Variants in EP400 observed in about 807,000 individuals in gnomAD.
EP400 encodes E1A binding protein p400.
A neutral mutation model predicts 354.1 loss-of-function variants in EP400; 105 were observed. That is an observed-to-expected ratio of 0.30 (90% CI 0.25 to 0.35). The LOEUF is 0.35. Ranked by LOEUF, EP400 falls within the 10% of genes least tolerant of loss-of-function variation. EP400 has a pLI of 1.00. For missense variants in EP400, 3,280 were observed against 4,121.0 expected (o/e 0.80, Z 5.59); for synonymous variants, 1,646 against 1,716.9 (o/e 0.96, Z 1.02).
Position 132,067,132 on chromosome 12 carries a change from C to T in EP400, c.8749+163C>T. On this transcript the variant is annotated intron_variant, in intron 49 of 52. Transcript: ENST00000389561. This position sits in a 1 kb window ranked among gnomAD's most constrained non-coding sequence, Gnocchi z 5.3. ...AACGTGCCTTGGCGCTTTCCAGGCG[C>T]AAGGCTGGGTCCTCAATTGAACTGT... The T allele has an allele frequency of 8.8e-7, 1 of 1,132,486 alleles. No homozygotes were observed. The highest frequency in any genetic ancestry group is 1.2e-6 in the Non-Finnish European group (1 of 824,140). 70.2% of individuals were successfully genotyped at this position (1,132,486 alleles called of 1,614,324 possible).
intron 15 of EP400, among the ~76,000 whole-genome samples, chr12:132,008,136 T>G (rs1893647007): frequency 6.6e-6 from 1 of 152,092 alleles, no homozygotes; most frequent in African/African-American, 2.4e-5. Context: ...TTAGTAGAGA[T>G]GGGGTTTCTC....
intron 32 of EP400, among the ~76,000 whole-genome samples, chr12:132,040,357 A>T (rs1337492903): frequency 1.3e-5 from 2 of 151,964 alleles, no homozygotes; most frequent in Admixed American, 1.3e-4. Flanking sequence ...CAGCAATCCC[A>T]CTGCTGGGTG....
At chr12:131,973,797 GGTTGT>G (rs752833349) in intron 2 of EP400, among the ~76,000 whole-genome samples, 25 of 152,042 alleles carry the variant, frequency 1.6e-4, no homozygotes, top group Non-Finnish European at 3.5e-4. Flanking sequence ...AAGGTTTTGT[GGTTGT>G]GTTGAGTGCA....
chr12:131,999,453 T>C (rs1045382466), intron 12 of EP400, among the ~76,000 whole-genome samples: 4 of 152,208 alleles, frequency 2.6e-5, no homozygotes, highest in African/African-American at 9.6e-5. Flanking sequence ...GCTTTGTTTG[T>C]TTGTTTTGAC....
At chr12:132,059,441 C>T (rs758760883) in intron 45 of EP400, among the ~76,000 whole-genome samples, 5 of 152,016 alleles carry the variant, frequency 3.3e-5, no homozygotes, top group Non-Finnish European at 5.9e-5. Flanking sequence ...AAGTGTCTCC[C>T]GCACTCCCTC....
At chr12:131,957,522 T>C (rs1001678011) in intron 1 of EP400, among the ~76,000 whole-genome samples, 1 of 150,120 alleles carries the variant, frequency 6.7e-6, no homozygotes, top group Admixed American at 6.7e-5. Context: ...TTTTTCTTTC[T>C]TTCTTTTTTT....
chr12:131,994,776 C>A lies in EP400; in HGVS notation c.2738-91C>A. The A allele has an allele frequency of 9.5e-7, 1 of 1,052,782 alleles. No individual in the cohort carries two copies. The highest frequency in any genetic ancestry group is 1.6e-5 in the African/African-American group (1 of 61,722). 65.2% of individuals were successfully genotyped at this position (1,052,782 alleles called of 1,614,324 possible). On this transcript the variant is annotated intron_variant, in intron 11 of 52. Transcript: ENST00000389561. This position sits in a 1 kb window ranked among gnomAD's most constrained non-coding sequence, Gnocchi z 4.6. ...AGTTTCAATTTCTGTAATAGCTATGCAAAATAATTTCGAAGCCTTATAGTG... is the reference window on the plus strand; with the variant it reads ...AGTTTCAATTTCTGTAATAGCTATGAAAAATAATTTCGAAGCCTTATAGTG...
At chr12:132,003,868 G>A (rs1893497971) in intron 12 of EP400, among the ~76,000 whole-genome samples, 1 of 152,216 alleles carries the variant, frequency 6.6e-6, no homozygotes, top group South Asian at 2.1e-4. Context: ...TGTTTTGCTA[G>A]TCCCAAGTGG....
chr12:132,046,199 C>T (rs191176158), intron 39 of EP400, among the ~76,000 whole-genome samples: 13 of 152,262 alleles, frequency 8.5e-5, no homozygotes, highest in Admixed American at 5.9e-4. Flanking sequence ...TTTGCACTGC[C>T]GTTGTCATTT....
Position 132,013,624 on chromosome 12 carries a change from G to T in EP400, c.3746G>T (p.Ser1249Ile). 1 of 1,613,614 alleles carries T rather than the reference G, an allele frequency of 6.2e-7. No homozygotes were observed. The highest frequency in any genetic ancestry group is 8.5e-7 in the Non-Finnish European group (1 of 1,179,776). The change falls in exon 18 of 53, where the codon AGC (serine) becomes ATC (isoleucine). Residue 1249 changes from serine to isoleucine, a missense_variant. Transcript: ENST00000389561. This position sits in a 1 kb window ranked among gnomAD's most constrained non-coding sequence, Gnocchi z 4.5. ...SSPLRAPSEE[S>I]QDYYHKVVIR... ...CCTCTGAGGGCCCCCAGTGAAGAGA[G>T]CCAGGATTACTACCATAAAGTGGTC...
Position 132,065,073 on chromosome 12 carries a change from G to A in EP400, c.8553+187G>A, listed in dbSNP as rs1012995543. On this transcript the variant is annotated intron_variant, in intron 48 of 52. Transcript: ENST00000389561. ...CCACTCGTGGAACATTAACACAGCA[G>A]CAGCTCCCAGAGCCCATCCAGGCAT... is the stretch of plus-strand genomic sequence containing the variant. 1.1e-5 allele frequency: 12 copies of A among 1,090,558 alleles called. No individual in the cohort carries two copies. The African/African-American group carries it at 1.6e-4, about 14-fold the overall frequency. 67.6% of individuals were successfully genotyped at this position (1,090,558 alleles called of 1,614,324 possible).
Position 131,994,541 on chromosome 12 carries a change from G to T in EP400, c.2738-326G>T, listed in dbSNP as rs569498771. ...GTGAGATGGGCGATGATGACTTCAC[G>T]GTGATCCCAGATGGCATGCCTGTGG... is the stretch of plus-strand genomic sequence containing the variant. On this transcript the variant is annotated intron_variant, in intron 11 of 52. Transcript: ENST00000389561. The surrounding 1 kb of genome is among the most constrained non-coding windows in gnomAD (Gnocchi z 4.6). Among the ~76,000 whole-genome samples, 22 of 152,166 alleles carry T rather than the reference G, an allele frequency of 1.4e-4. No individual in the cohort carries two copies. Among genetic ancestry groups the T allele is most frequent in the African/African-American group, 3.9e-4 (16 of 41,506 alleles).
intron 48 of EP400, 98 bp from the exon 49 acceptor site, chr12:132,066,676 T>C: frequency 1.5e-6 from 2 of 1,293,392 alleles, no homozygotes; most frequent in Non-Finnish European, 2.1e-6. Flanking sequence ...TTGATCTTTG[T>C]AAATTTTCTC....
At chr12:132,002,148 G>A (rs1893437443) in intron 12 of EP400, among the ~76,000 whole-genome samples, 1 of 152,194 alleles carries the variant, frequency 6.6e-6, no homozygotes, top group South Asian at 2.1e-4. Flanking sequence ...ACAGCATATA[G>A]TTGGTCTTCT....
At position 132,011,611 on chromosome 12, in the gene EP400, A is replaced by G. The variant is rs1236760894; in HGVS notation, c.3418A>G (p.Arg1140Gly). Residue 1140 changes from arginine to glycine, a missense_variant, in exon 16 of 53, where the codon AGA becomes GGA. Transcript: ENST00000389561. Reference sequence around the variant, plus strand: ...AATCCTCTCATATATTGGCAGCCACAGAGAACTCAAAGCAAAGAGACAGGT... The same window carrying G: ...AATCCTCTCATATATTGGCAGCCACGGAGAACTCAAAGCAAAGAGACAGGT... ...LKILSYIGSH[R>G]ELKAKRQEWA... 4 of 1,611,012 alleles carry G rather than the reference A, an allele frequency of 2.5e-6. No homozygotes were observed. Among genetic ancestry groups the G allele is most frequent in the South Asian group, 1.1e-5 (1 of 90,218 alleles).
At position 132,021,230 on chromosome 12, in the gene EP400, G is replaced by GC; in HGVS notation, c.4603dup (p.Gln1535ProfsTer209). 6.4e-7 allele frequency: 1 copy of GC among 1,562,826 alleles called. No individual in the cohort carries two copies. Among genetic ancestry groups the GC allele is most frequent in the African/African-American group, 1.4e-5 (1 of 74,040 alleles). On this transcript the variant is annotated frameshift_variant, in exon 23 of 53. Transcript: ENST00000389561. LOFTEE classifies it high-confidence loss of function. ...AGGCCTCCACCCCAGGCCAGCCCCCGCCCCAGCCCCAGGCCCCCTCGCACG... is the reference window on the plus strand; with the variant it reads ...AGGCCTCCACCCCAGGCCAGCCCCCGCCCCCAGCCCCAGGCCCCCTCGCACG...
intron 5 of EP400, among the ~76,000 whole-genome samples, chr12:131,982,785 C>T (rs965784500): frequency 2.0e-5 from 3 of 152,106 alleles, no homozygotes; most frequent in African/African-American, 4.8e-5. Context: ...ACCTGGCCAA[C>T]ATGGCGAAAC....
intron 1 of EP400, among the ~76,000 whole-genome samples, chr12:131,951,152 G>T (rs370869926): frequency 1.5e-4 from 22 of 146,306 alleles, no homozygotes; most frequent in African/African-American, 5.1e-4. Flanking sequence ...TCCTGACCTC[G>T]TGATCCGCCC....
Position 132,025,961 on chromosome 12 carries a change from A to G in EP400, c.5014+157A>G, listed in dbSNP as rs138949888. 7.1e-3 allele frequency among the ~76,000 whole-genome samples: 1,084 copies of G among 152,360 alleles called. 35 individuals carry two copies. In the South Asian group the frequency reaches 0.094, roughly 13 times the overall value. ...ATTTCTATAGATGTGTCCTAGTGTC[A>G]GCCTGATTTATTTTCTTTTTCTTGT... On this transcript the variant is annotated intron_variant, in intron 25 of 52. Transcript: ENST00000389561. This position sits in a 1 kb window ranked among gnomAD's most constrained non-coding sequence, Gnocchi z 4.1.
Sources: allele counts gnomAD v4.1 joint callset (sites outside exome capture counted in the v4.1 genomes callset), GRCh38; gene constraint gnomAD v4.1.1; non-coding constraint Gnocchi (gnomAD v3.1); transcripts MANE v1.5; gene names NCBI Gene and HGNC (gene_info 2026-07-23, HGNC 2026-07-21).